EPC2: variants seen among roughly 807,000 people sequenced by gnomAD.
EPC2 encodes enhancer of polycomb homolog 2.
In EPC2, 14 loss-of-function variants were observed where a neutral mutation model predicts 92.1. That is an observed-to-expected ratio of 0.15 (90% CI 0.10 to 0.24). EPC2 has a LOEUF of 0.24. Ranked by LOEUF, EPC2 falls within the 10% of genes least tolerant of loss-of-function variation. The probability of loss-of-function intolerance (pLI) is 1.00; values close to 1 mark genes in which losing one functional copy is unlikely to be tolerated. For missense variants in EPC2, 755 were observed against 971.5 expected, an observed-to-expected ratio of 0.78 and a Z score of 2.96; for synonymous variants, 340 against 334.7, an observed-to-expected ratio of 1.02 and a Z score of -0.17.
At chr2:148,720,216 A>G (rs1483467223) in intron 2 of EPC2, among the ~76,000 whole-genome samples, 1 of 152,214 alleles carries the variant, frequency 6.6e-6, no homozygotes, top group Non-Finnish European at 1.5e-5. Context: ...TCTGGTCAAT[A>G]TCTGGCAAAG....
At chr2:148,704,913 T>TC (rs1346871579) in intron 2 of EPC2, among the ~76,000 whole-genome samples, 3 of 151,930 alleles carry the variant, frequency 2.0e-5, no homozygotes, top group Non-Finnish European at 4.4e-5. Context: ...TTTTTCTTTT[T>TC]TTTTTTTCTA....
At chr2:148,783,436 A>T (rs1047429593) in intron 11 of EPC2, among the ~76,000 whole-genome samples, 161 bp from the exon 12 acceptor site, 1 of 152,180 alleles carries the variant, frequency 6.6e-6, no homozygotes, top group Admixed American at 6.5e-5. Flanking sequence ...TCCCTGCTTC[A>T]TATGCCAAAA....
At chr2:148,676,535 CACTT>C (rs1476594211) in intron 1 of EPC2, among the ~76,000 whole-genome samples, 2 of 151,926 alleles carry the variant, frequency 1.3e-5, no homozygotes, top group African/African-American at 4.8e-5. Flanking sequence ...AAATAACAAT[CACTT>C]AATTAGTTAG....
At chr2:148,649,418 A>G (rs1014944548) in intron 1 of EPC2, among the ~76,000 whole-genome samples, 1 of 152,158 alleles carries the variant, frequency 6.6e-6, no homozygotes, top group Non-Finnish European at 1.5e-5. Context: ...CTTTTCTACA[A>G]TTTCATATAA....
intron 1 of EPC2, among the ~76,000 whole-genome samples, chr2:148,670,437 A>G (rs377075206): frequency 3.9e-5 from 6 of 152,116 alleles, no homozygotes; most frequent in Non-Finnish European, 7.4e-5. Context: ...TATATTCACA[A>G]TGTTGTACAA....
intron 1 of EPC2, among the ~76,000 whole-genome samples, chr2:148,652,847 T>C (rs965959011): frequency 3.9e-5 from 6 of 152,230 alleles, no homozygotes; most frequent in Non-Finnish European, 7.3e-5. Flanking sequence ...ATTCTGTGTA[T>C]GTTTTGGTTA....
At chr2:148,693,176 CT>C (rs1483033184) in intron 2 of EPC2, among the ~76,000 whole-genome samples, 1 of 152,006 alleles carries the variant, frequency 6.6e-6, no homozygotes, top group Admixed American at 6.6e-5. Flanking sequence ...TTTGCTAAGC[CT>C]TTAAGGAGTT....
intron 2 of EPC2, among the ~76,000 whole-genome samples, chr2:148,718,307 CTTGT>C (rs1682299064): frequency 6.6e-6 from 1 of 151,990 alleles, no homozygotes; most frequent in African/African-American, 2.4e-5. Context: ...ATTTTGCAGA[CTTGT>C]TTATGTGCTT....
intron 1 of EPC2, among the ~76,000 whole-genome samples, chr2:148,677,367 A>T (rs1421497640): frequency 7.9e-5 from 12 of 152,110 alleles, no homozygotes; most frequent in African/African-American, 2.9e-4. Context: ...CTGTTTAAAA[A>T]TTTTCTCATT....
At chr2:148,749,099 C>T (rs1683040026) in intron 3 of EPC2, among the ~76,000 whole-genome samples, 1 of 152,094 alleles carries the variant, frequency 6.6e-6, no homozygotes, top group African/African-American at 2.4e-5. Flanking sequence ...TTACTTCTGC[C>T]TGTAATGCCA....
At position 148,771,067 on chromosome 2, in the gene EPC2, C is replaced by T. The variant is rs915608094; in HGVS notation, c.1400C>T (p.Thr467Ile). ...AGGGTCATAATGGACCGAATATCCA[C>T]AGAACATGACCCAGTCCTGAAACAG... ...GGRVIMDRIS[T>I]EHDPVLKQID... is the part of the protein sequence containing the mutation. The change falls in exon 10 of 14, where the codon ACA becomes ATA. Residue 467 changes from threonine (T) to isoleucine (I), a missense_variant. Physicochemically the swap from Thr to Ile is moderately conservative, Grantham distance 89. Around this residue, in one of 4 missense-constraint regions of EPC2, gnomAD observed 509 missense variants for 607.7 expected, o/e 0.84. Transcript: ENST00000258484. 1 of 1,607,590 alleles carries T rather than the reference C, an allele frequency of 6.2e-7. No individual in the cohort carries two copies. The highest frequency in any genetic ancestry group is 8.5e-7 in the Non-Finnish European group (1 of 1,177,330).
At chr2:148,670,028 G>A (rs969350030) in intron 1 of EPC2, among the ~76,000 whole-genome samples, 26 of 152,064 alleles carry the variant, frequency 1.7e-4, no homozygotes, top group Non-Finnish European at 2.9e-5. Context: ...TTCTTTCTCC[G>A]TGCAGTTCTT....
chr2:148,650,258 G>A (rs1198492555), intron 1 of EPC2, among the ~76,000 whole-genome samples: 2 of 151,976 alleles, frequency 1.3e-5, no homozygotes, highest in Non-Finnish European at 2.9e-5. Flanking sequence ...CTATATTTGT[G>A]TCTTTTCTCC....
At chr2:148,680,339 T>A (rs775659191) in intron 1 of EPC2, among the ~76,000 whole-genome samples, 5 of 152,198 alleles carry the variant, frequency 3.3e-5, no homozygotes, top group Non-Finnish European at 7.4e-5. Context: ...TCTGACTAGG[T>A]GAGTTTCTTA....
chr2:148,713,376 A>G (rs1298801830), intron 2 of EPC2, among the ~76,000 whole-genome samples: 1 of 152,230 alleles, frequency 6.6e-6, no homozygotes, highest in Non-Finnish European at 1.5e-5. Context: ...GAAAAAGCTT[A>G]TAGAATAAGA....
chr2:148,650,623 A>G (rs1226141037), intron 1 of EPC2, among the ~76,000 whole-genome samples: 1 of 152,060 alleles, frequency 6.6e-6, no homozygotes, highest in Non-Finnish European at 1.5e-5. Flanking sequence ...ATGTTGTCTA[A>G]TTTTTGCCGT....
chr2:148,729,160 T>C (rs750428051), intron 2 of EPC2, among the ~76,000 whole-genome samples: 26 of 152,172 alleles, frequency 1.7e-4, no homozygotes, highest in Admixed American at 9.8e-4. Flanking sequence ...TGATGATATC[T>C]GTTACAGAAG....
intron 12 of EPC2, 105 bp downstream of exon 12, chr2:148,783,861 A>G (rs746120323): frequency 2.3e-4 from 248 of 1,100,130 alleles, no homozygotes; most frequent in Non-Finnish European, 2.5e-4. Flanking sequence ...TGTATAAGTC[A>G]ATCAGGACTC....
chr2:148,685,518 T>C (rs1297507337), intron 1 of EPC2, among the ~76,000 whole-genome samples: 3 of 152,200 alleles, frequency 2.0e-5, no homozygotes, highest in East Asian at 1.9e-4. Context: ...CCCAGCACTT[T>C]GGGAGGCTGA....
Sources: allele counts gnomAD v4.1 joint callset (sites outside exome capture counted in the v4.1 genomes callset), GRCh38; gene constraint gnomAD v4.1.1; regional missense constraint gnomAD v4.1.1; transcripts MANE v1.5; gene names NCBI Gene and HGNC (gene_info 2026-07-23, HGNC 2026-07-21).